Variants in COL5A2 observed in about 807,000 individuals in gnomAD.
COL5A2 encodes collagen type V alpha 2 chain, also known as collagen alpha-2(V) chain.
A neutral mutation model predicts 208.2 loss-of-function variants in COL5A2; 23 were observed. That is an observed-to-expected ratio of 0.11 (90% CI 0.08 to 0.16). The LOEUF is 0.16. Ranked by LOEUF, COL5A2 falls within the 10% of genes least tolerant of loss-of-function variation. COL5A2 has a pLI of 1.00. For synonymous variants in COL5A2, 625 were observed against 628.5 expected, an observed-to-expected ratio of 0.99 and a Z score of 0.08; for missense variants, 1,590 against 1,956.4, an observed-to-expected ratio of 0.81 and a Z score of 3.53.
chr2:189,120,335 T>A (rs1687475620), intron 1 of COL5A2, among the ~76,000 whole-genome samples: 1 of 152,158 alleles, frequency 6.6e-6, no homozygotes, highest in South Asian at 2.1e-4. Flanking sequence ...TTTTCATTTC[T>A]CTAACCTATA....
intron 1 of COL5A2, among the ~76,000 whole-genome samples, chr2:189,146,028 T>A (rs1166650514): frequency 2.6e-5 from 4 of 152,214 alleles, no homozygotes; most frequent in East Asian, 3.9e-4. Context: ...GCAATTTAAC[T>A]GAAAAGGCAC....
intron 1 of COL5A2, among the ~76,000 whole-genome samples, chr2:189,208,760 T>C (rs997635510): frequency 1.3e-5 from 2 of 152,228 alleles, no homozygotes; most frequent in Non-Finnish European, 2.9e-5. Flanking sequence ...ATTGAGCTAT[T>C]GATTCTCATT....
rs757002939 is a variant in COL5A2, at chr2:189,179,499, CA to C, written c.97+8del. 1 of 1,610,252 alleles carries C rather than the reference CA, an allele frequency of 6.2e-7. No individual in the cohort carries two copies. The highest frequency in any genetic ancestry group is 2.2e-5 in the East Asian group (1 of 44,850). On this transcript the variant is annotated splice_region_variant and intron_variant, in intron 1 of 53. Coordinates refer to ENST00000374866, the MANE Select transcript of COL5A2 (RefSeq NM_000393.5). The stretch of plus-strand genomic sequence containing the variant: ...TAAACACTACAAGCAAAGCAAATGG[CA>C]AACTCACCATCCTCGTCTTCTTCCT...
chr2:189,372,434 C>T, the COL5A2 span, among the ~76,000 whole-genome samples: 1 of 151,902 alleles, frequency 6.6e-6, no homozygotes. Flanking sequence ...AGTTAAAATC[C>T]ATTTACAGAC....
chr2:189,312,290 G>A, the COL5A2 span, among the ~76,000 whole-genome samples: 1 of 152,066 alleles, frequency 6.6e-6, no homozygotes, highest in Non-Finnish European at 1.5e-5. Context: ...GGCTTTGCAT[G>A]GTATCCTTCT....
intron 1 of COL5A2, among the ~76,000 whole-genome samples, chr2:189,134,626 T>G (rs899098100): frequency 2.0e-5 from 3 of 152,108 alleles, no homozygotes; most frequent in Admixed American, 6.5e-5. Flanking sequence ...TGTCAACAGT[T>G]TTGCATAAAG....
chr2:189,071,844 T>C (rs1282108429), intron 18 of COL5A2, among the ~76,000 whole-genome samples, 196 bp downstream of exon 18: 1 of 152,210 alleles, frequency 6.6e-6, no homozygotes, highest in Non-Finnish European at 1.5e-5. Context: ...AATTCTCCTT[T>C]AATTATATTT....
chr2:189,108,453 C>A (rs1470437941), intron 2 of COL5A2, among the ~76,000 whole-genome samples: 2 of 151,866 alleles, frequency 1.3e-5, no homozygotes, highest in Non-Finnish European at 2.9e-5. Flanking sequence ...ACACTGGATA[C>A]TGTGGAGAAA....
rs577924492 is a variant in COL5A2, at chr2:189,079,174, T to C, written c.961-67A>G. On this transcript the variant is annotated intron_variant, in intron 14 of 53. Transcript: ENST00000374866. ...AACCGATACATCACTTTGTTCTGTG[T>C]GTGTAATTTTAAAAGCATATTTTCA... The C allele has an allele frequency of 1.3e-5, 16 of 1,206,990 alleles. No homozygotes were observed. The South Asian group carries it at 1.5e-4, about 12-fold the overall frequency. The allele number at this position is 1,206,990 out of a possible 1,614,324, so 74.8% of individuals were successfully genotyped here.
At chr2:189,421,356 C>T in the COL5A2 span, among the ~76,000 whole-genome samples, 95 of 152,138 alleles carry the variant, frequency 6.2e-4, no homozygotes, top group African/African-American at 2.2e-3. Flanking sequence ...TATCCACGCA[C>T]GAAATTACCT....
the COL5A2 span, among the ~76,000 whole-genome samples, chr2:189,358,921 G>C: frequency 4.0e-5 from 6 of 151,320 alleles, no homozygotes; most frequent in African/African-American, 1.5e-4. Context: ...TGTTGGTTTT[G>C]TAACCTGCAA....
the COL5A2 span, among the ~76,000 whole-genome samples, chr2:189,238,881 G>A: frequency 3.3e-5 from 5 of 152,128 alleles, 1 homozygote; most frequent in East Asian, 7.7e-4. Context: ...TAAGATTTGG[G>A]TGGGGACTCA....
the COL5A2 span, among the ~76,000 whole-genome samples, chr2:189,318,838 G>GA: frequency 6.6e-6 from 1 of 152,144 alleles, no homozygotes; most frequent in African/African-American, 2.4e-5. Context: ...GAATAGTTTT[G>GA]AATTTTGACA....
At chr2:189,290,815 TA>T in the COL5A2 span, among the ~76,000 whole-genome samples, 2 of 150,586 alleles carry the variant, frequency 1.3e-5, no homozygotes, top group Non-Finnish European at 3.0e-5. Context: ...ATGTTAGACA[TA>T]ACAAATATGT....
chr2:189,287,118 C>A, the COL5A2 span, among the ~76,000 whole-genome samples: 8 of 151,770 alleles, frequency 5.3e-5, no homozygotes, highest in South Asian at 1.7e-3. Flanking sequence ...GAACACAGAA[C>A]AAATATTGGT....
chr2:189,401,953 T>G, the COL5A2 span, among the ~76,000 whole-genome samples: 1 of 152,170 alleles, frequency 6.6e-6, no homozygotes, highest in Non-Finnish European at 1.5e-5. Context: ...TCCTTATAGA[T>G]GCTGGATATT....
chr2:189,116,529 G>T (rs1170295145), intron 1 of COL5A2, among the ~76,000 whole-genome samples: 1 of 152,164 alleles, frequency 6.6e-6, no homozygotes, highest in African/African-American at 2.4e-5. Flanking sequence ...ACCTGAGGGG[G>T]ATCTATTACA....
At chr2:189,260,676 G>A in the COL5A2 span, among the ~76,000 whole-genome samples, 2 of 152,194 alleles carry the variant, frequency 1.3e-5, no homozygotes, top group Non-Finnish European at 2.9e-5. Context: ...TCAGAGAAGA[G>A]GGTTCTGCTA....
At chr2:189,112,677 AT>A (rs1483891030) in intron 1 of COL5A2, among the ~76,000 whole-genome samples, 1 of 152,230 alleles carries the variant, frequency 6.6e-6, no homozygotes, top group Non-Finnish European at 1.5e-5. Context: ...CACATAATAC[AT>A]ATCTAATCAA....
Sources: gnomAD v4.1 joint callset for allele counts (sites outside exome capture counted in the v4.1 genomes callset) on GRCh38, gnomAD v4.1.1 for gene constraint, MANE v1.5 for transcripts, NCBI Gene and HGNC (gene_info 2026-07-23, HGNC 2026-07-21) for gene names.